Variants in EXT1 observed in about 807,000 individuals in gnomAD.
EXT1 encodes exostosin-1.
In EXT1, 20 loss-of-function variants were observed where a neutral mutation model predicts 82.5. That is an observed-to-expected ratio of 0.24 (90% CI 0.17 to 0.35). The LOEUF is 0.35. EXT1 is among the 10% of genes least tolerant of loss of function. EXT1 has a pLI of 1.00. For missense variants in EXT1, 757 were observed against 936.5 expected (o/e 0.81, Z 2.50); for synonymous variants, 348 against 350.8 (o/e 0.99, Z 0.09).
chr8:117,804,690 G>A, intron 10 of EXT1, 32 bp downstream of exon 10: 1 of 1,613,096 alleles, frequency 6.2e-7, no homozygotes, highest in Non-Finnish European at 8.5e-7. Flanking sequence ...ACCAGTGAGT[G>A]AAGCAAGGGA....
chr8:117,897,749 C>T (rs1173346991), intron 1 of EXT1, among the ~76,000 whole-genome samples: 3 of 151,856 alleles, frequency 2.0e-5, no homozygotes, highest in African/African-American at 7.3e-5. Context: ...CGCGTACAAC[C>T]ACGCCCAGCT....
At chr8:117,973,799 GAGAAAGGAAAGGAAA>G (rs1814996841) in intron 1 of EXT1, among the ~76,000 whole-genome samples, 1 of 98,918 alleles carries the variant, frequency 1.0e-5, no homozygotes, top group African/African-American at 4.1e-5. Context: ...GAAAAGAAAA[GAGAAAGGAAAGGAAA>G]GGAAAGGAAA....
At chr8:117,962,235 A>G (rs979764702) in intron 1 of EXT1, among the ~76,000 whole-genome samples, 2 of 152,046 alleles carry the variant, frequency 1.3e-5, no homozygotes, top group Non-Finnish European at 2.9e-5. Context: ...TATTTGGAAT[A>G]CTCTTCTTTC....
chr8:117,903,544 A>T (rs1813488709), intron 1 of EXT1, among the ~76,000 whole-genome samples: 1 of 152,244 alleles, frequency 6.6e-6, no homozygotes, highest in South Asian at 2.1e-4. Flanking sequence ...ACATTTAAAG[A>T]TTTATCATGG....
Position 118,110,688 on chromosome 8 carries a change from G to A in EXT1, c.359C>T (p.Pro120Leu), listed in dbSNP as rs752226935. 1.9e-6 allele frequency: 3 copies of A among 1,614,098 alleles called. No homozygotes were observed. In the Admixed American group the frequency reaches 5.0e-5, roughly 27 times the overall value. ...GGCGATTTTCTCCCCTTTTTGCTGT[G>A]GGTATACGTAGACTTTGAAGCCGTT... Reference protein sequence around the residue: ...KKNGFKVYVYPQQKGEKIAES... With the variant: ...KKNGFKVYVYLQQKGEKIAES... Residue 120 changes from proline to leucine, a missense_variant, in exon 1 of 11, where the codon CCA becomes CTA. This residue lies in a region of EXT1 where 175 missense variants were observed against 159.0 expected (regional missense o/e 1.10). Coordinates refer to ENST00000378204, the MANE Select transcript of EXT1 (RefSeq NM_000127.3).
chr8:117,943,803 T>C (rs1814333525), intron 1 of EXT1, among the ~76,000 whole-genome samples: 1 of 152,230 alleles, frequency 6.6e-6, no homozygotes, highest in Admixed American at 6.5e-5. Context: ...TGGGATGTGA[T>C]ATTCCCACCT....
chr8:118,020,674 T>C (rs11562734), intron 1 of EXT1, among the ~76,000 whole-genome samples: 4,111 of 152,256 alleles, frequency 0.027, 165 homozygotes, highest in African/African-American at 0.09. Flanking sequence ...GATCGAATAG[T>C]ATTACATTAT....
Position 118,020,239 on chromosome 8 carries a change from G to A in EXT1, c.962+89846C>T, listed in dbSNP as rs1816076646. 2.0e-5 allele frequency among the ~76,000 whole-genome samples: 3 copies of A among 152,254 alleles called. No homozygotes were observed. In the South Asian group the frequency reaches 6.2e-4, roughly 32 times the overall value. ...GACCCATCTGGCCTCAGTTCCTACA[G>A]ACACATAAAATGTAAACAGTTCACT... is the stretch of plus-strand genomic sequence containing the variant. On this transcript the variant is annotated intron_variant, in intron 1 of 10. Coordinates refer to ENST00000378204, the MANE Select transcript of EXT1 (RefSeq NM_000127.3).
At chr8:117,925,339 G>A (rs1057142028) in intron 1 of EXT1, among the ~76,000 whole-genome samples, 10 of 146,012 alleles carry the variant, frequency 6.8e-5, no homozygotes. Context: ...TGAAGAATGA[G>A]TGAATCAATG....
At chr8:118,078,557 G>C (rs1316862869) in intron 1 of EXT1, among the ~76,000 whole-genome samples, 1 of 148,802 alleles carries the variant, frequency 6.7e-6, no homozygotes, top group East Asian at 1.9e-4. Flanking sequence ...TTTTTTGGTG[G>C]GAAAAAAAAA....
intron 1 of EXT1, among the ~76,000 whole-genome samples, chr8:118,070,226 CTGTG>C (rs36229782): frequency 0.1 from 13,975 of 133,254 alleles, 574 homozygotes; most frequent in Middle Eastern, 0.13. Flanking sequence ...TCATAAATTT[CTGTG>C]TGTGTGTGTG....
At chr8:117,871,015 C>T (rs1488705028) in intron 1 of EXT1, among the ~76,000 whole-genome samples, 2 of 152,084 alleles carry the variant, frequency 1.3e-5, no homozygotes, top group African/African-American at 2.4e-5. Context: ...GCCGATGTAA[C>T]TGGGAAAAAA....
chr8:117,878,194 A>C (rs1813002972), intron 1 of EXT1, among the ~76,000 whole-genome samples: 1 of 152,182 alleles, frequency 6.6e-6, no homozygotes, highest in South Asian at 2.1e-4. Context: ...GAATCACTTG[A>C]GCCTGGGAGG....
rs1164362194 is a variant in EXT1, at chr8:117,907,637, G to A, written c.963-70436C>T. Among the ~76,000 whole-genome samples the A allele has an allele frequency of 2.6e-5, 4 of 152,074 alleles. No homozygotes were observed. In the East Asian group the frequency reaches 7.7e-4, roughly 29 times the overall value. On this transcript the variant is annotated intron_variant, in intron 1 of 10. Coordinates refer to ENST00000378204, the MANE Select transcript of EXT1 (RefSeq NM_000127.3). ...ATTAGGAATATGCTCTCACTTTGCT[G>A]TTTATTATAGCTATCAGTTCTGCCA...
chr8:117,847,716 T>C (rs1563578582), intron 1 of EXT1, among the ~76,000 whole-genome samples: 1 of 152,198 alleles, frequency 6.6e-6, no homozygotes, highest in African/African-American at 2.4e-5. Flanking sequence ...TGATCCAAGA[T>C]ATCCTTTCCA....
chr8:117,920,115 A>ATT (rs1813826376), intron 1 of EXT1, among the ~76,000 whole-genome samples: 1 of 152,046 alleles, frequency 6.6e-6, no homozygotes, highest in East Asian at 1.9e-4. Context: ...ATTTTATTTT[A>ATT]TTTTTTTGAG....
chr8:117,911,142 T>C (rs554959984), intron 1 of EXT1, among the ~76,000 whole-genome samples: 2 of 152,370 alleles, frequency 1.3e-5, no homozygotes, highest in East Asian at 1.9e-4. Context: ...AGTGGGTGTT[T>C]AGCCCAGTGC....
At chr8:117,942,825 G>A (rs186902328) in intron 1 of EXT1, among the ~76,000 whole-genome samples, 9 of 152,048 alleles carry the variant, frequency 5.9e-5, no homozygotes, top group East Asian at 5.8e-4. Context: ...ATATACTAAC[G>A]CTATGATCCT....
intron 1 of EXT1, among the ~76,000 whole-genome samples, chr8:117,931,317 A>G (rs970126310): frequency 2.6e-5 from 4 of 152,236 alleles, no homozygotes; most frequent in Non-Finnish European, 5.9e-5. Context: ...CATTTCCTGT[A>G]TATACTCACA....
Sources: allele counts gnomAD v4.1 joint callset (sites outside exome capture counted in the v4.1 genomes callset), GRCh38; gene constraint gnomAD v4.1.1; regional missense constraint gnomAD v4.1.1; transcripts MANE v1.5; gene names NCBI Gene and HGNC (gene_info 2026-07-23, HGNC 2026-07-21).